Variants in LCOR observed in about 807,000 individuals in gnomAD.
LCOR encodes the protein ligand-dependent corepressor.
In LCOR, 14 loss-of-function variants were observed where a neutral mutation model predicts 64.4. That is an observed-to-expected ratio of 0.22 (90% CI 0.14 to 0.34). LCOR has a LOEUF of 0.34. LCOR is among the 10% of genes least tolerant of loss of function. The pLI, the probability that LCOR is intolerant of heterozygous loss-of-function variation, is 1.00. For missense variants in LCOR, 1,686 were observed against 1,765.3 expected, an observed-to-expected ratio of 0.96 and a Z score of 0.80; for synonymous variants, 643 against 642.5, an observed-to-expected ratio of 1.00 and a Z score of -0.01.
At chr10:96,879,667 G>GT (rs890661746) in intron 2 of LCOR, among the ~76,000 whole-genome samples, 19 of 151,828 alleles carry the variant, frequency 1.3e-4, no homozygotes, top group East Asian at 5.8e-4. Context: ...TTTGTTTTGT[G>GT]TTTTTTTTGC....
intron 2 of LCOR, among the ~76,000 whole-genome samples, chr10:96,854,802 T>A (rs1018177216): frequency 2.6e-5 from 4 of 152,222 alleles, no homozygotes; most frequent in African/African-American, 9.6e-5. Context: ...AATCTAAGAT[T>A]TTCTGACTTC....
intron 4 of LCOR, among the ~76,000 whole-genome samples, chr10:96,928,779 A>G (rs933937421): frequency 3.3e-5 from 5 of 152,170 alleles, no homozygotes; most frequent in African/African-American, 1.2e-4. Flanking sequence ...TGTATTTCTT[A>G]AGTAACAAGA....
rs1347680969 is a variant in LCOR, at chr10:96,983,227, T to G, written c.2767T>G (p.Leu923Val). 1 of 1,613,702 alleles carries G rather than the reference T, an allele frequency of 6.2e-7. No individual in the cohort carries two copies. Residue 923 changes from leucine (L) to valine (V), a missense_variant, in exon 8 of 8, where the codon TTA becomes GTA. Leu to Val is a conservative substitution (Grantham distance 32, BLOSUM62 1). This residue lies in a region of LCOR where 1,293 missense variants were observed against 1,410.4 expected (regional missense o/e 0.92). Coordinates refer to ENST00000421806, the MANE Select transcript of LCOR (RefSeq NM_001346516.2). The surrounding 1 kb of genome is among the most constrained non-coding windows in gnomAD (Gnocchi z 4.5). ...KNMLDKEVKELRGEIFPSRDP... is the reference protein window; with the variant it reads ...KNMLDKEVKEVRGEIFPSRDP... ...CATGCTGGACAAAGAAGTCAAGGAG[T>G]TACGAGGAGAGATTTTCCCCAGCAG...
intron 2 of LCOR, among the ~76,000 whole-genome samples, chr10:96,839,453 C>T (rs1334845417): frequency 6.6e-6 from 1 of 152,068 alleles, no homozygotes; most frequent in African/African-American, 2.4e-5. Context: ...CCTGTAATCC[C>T]AGTACTATGG....
chr10:96,848,150 C>T (rs1845664611), intron 2 of LCOR, among the ~76,000 whole-genome samples: 1 of 152,124 alleles, frequency 6.6e-6, no homozygotes, highest in African/African-American at 2.4e-5. Context: ...ATCAAATCAA[C>T]TATTTTGAGG....
At chr10:96,890,706 G>A (rs1846424694) in intron 2 of LCOR, among the ~76,000 whole-genome samples, 1 of 152,102 alleles carries the variant, frequency 6.6e-6, no homozygotes, top group African/African-American at 2.4e-5. Flanking sequence ...CCAGGGTTAT[G>A]AAAAAGCTCC....
chr10:96,966,915 T>C (rs116786009), intron 7 of LCOR, among the ~76,000 whole-genome samples: 4,228 of 152,264 alleles, frequency 0.028, 201 homozygotes, highest in African/African-American at 0.096. Context: ...TTACAATTTT[T>C]TGTGGAGACA....
chr10:96,856,318 C>A (rs1460360388), intron 2 of LCOR, among the ~76,000 whole-genome samples: 1 of 152,192 alleles, frequency 6.6e-6, no homozygotes, highest in Non-Finnish European at 1.5e-5. Context: ...CACTTGGCCT[C>A]CCAAAGTGAT....
At chr10:96,958,920 AAAAAAAAC>A (rs1847828457) in intron 7 of LCOR, 2 of 152,152 alleles carry the variant, frequency 1.3e-5, no homozygotes, top group African/African-American at 4.8e-5. Flanking sequence ...AAAAAAAAAA[AAAAAAAAC>A]AAAAAGCTGC....
rs992657554 is a variant in LCOR, at chr10:96,994,259, A to T, written c.*9125A>T. 2 of 152,290 alleles carry T rather than the reference A, an allele frequency of 1.3e-5. No individual in the cohort carries two copies. Among genetic ancestry groups the T allele is most frequent in the East Asian group, 1.9e-4 (1 of 5,184 alleles). The allele number at this position is 152,290 out of a possible 1,614,324, so 9.4% of individuals were successfully genotyped here. ...CTACCTTTAAAACCTAGCCCATTTC[A>T]TATCAGCCTCTTCTGTGCCTGGGCT... On this transcript the variant is annotated 3_prime_UTR_variant, in exon 8 of 8. Coordinates refer to ENST00000421806, the MANE Select transcript of LCOR (RefSeq NM_001346516.2).
intron 5 of LCOR, among the ~76,000 whole-genome samples, chr10:96,946,085 G>C (rs1288191256): frequency 6.6e-6 from 1 of 151,922 alleles, no homozygotes; most frequent in African/African-American, 2.4e-5. Flanking sequence ...CTCAGAGAAA[G>C]AACTGTTCCT....
chr10:96,905,326 G>C (rs1192601181), intron 2 of LCOR, among the ~76,000 whole-genome samples: 1 of 152,100 alleles, frequency 6.6e-6, no homozygotes, highest in Non-Finnish European at 1.5e-5. Context: ...AAGAATATTA[G>C]ATTTGCTCTT....
intron 2 of LCOR, among the ~76,000 whole-genome samples, chr10:96,843,348 G>C (rs1215563878): frequency 2.0e-5 from 3 of 152,136 alleles, no homozygotes; most frequent in African/African-American, 7.2e-5. Context: ...GCCCAGGCTT[G>C]TCTCGATCCC....
chr10:96,962,610 A>G (rs1014297681), intron 7 of LCOR: 3 of 152,178 alleles, frequency 2.0e-5, no homozygotes, highest in African/African-American at 7.2e-5. Flanking sequence ...ACTAGTCAAA[A>G]TTAGTTACAT....
intron 4 of LCOR, among the ~76,000 whole-genome samples, chr10:96,930,839 C>T (rs958124376): frequency 2.6e-5 from 4 of 152,060 alleles, no homozygotes; most frequent in Non-Finnish European, 5.9e-5. Context: ...CATGTGAGAG[C>T]GCAGCAAGAA....
intron 2 of LCOR, among the ~76,000 whole-genome samples, chr10:96,883,374 G>A (rs1846294204): frequency 6.6e-6 from 1 of 152,110 alleles, no homozygotes; most frequent in South Asian, 2.1e-4. Flanking sequence ...TTTTATTTGA[G>A]TAATTACCAA....
intron 4 of LCOR, among the ~76,000 whole-genome samples, chr10:96,933,965 T>G (rs904371307): frequency 6.6e-6 from 1 of 152,224 alleles, no homozygotes; most frequent in Non-Finnish European, 1.5e-5. Context: ...TGAAGTTCCA[T>G]AGATTGAAGA....
At chr10:96,965,531 G>A (rs1016206876) in intron 7 of LCOR, among the ~76,000 whole-genome samples, 6 of 150,496 alleles carry the variant, frequency 4.0e-5, no homozygotes, top group Admixed American at 1.3e-4. Flanking sequence ...GCGTGGTGGC[G>A]GGCGCCTGTA....
intron 4 of LCOR, among the ~76,000 whole-genome samples, chr10:96,941,323 G>A (rs1847468604): frequency 7.2e-6 from 1 of 138,188 alleles, no homozygotes; most frequent in Non-Finnish European, 1.6e-5. Flanking sequence ...GGGGCGGCTG[G>A]CCGGGCAGAG....
Sources: allele counts gnomAD v4.1 joint callset (sites outside exome capture counted in the v4.1 genomes callset), GRCh38; gene constraint gnomAD v4.1.1; regional missense constraint gnomAD v4.1.1; non-coding constraint Gnocchi (gnomAD v3.1); transcripts MANE v1.5; gene names NCBI Gene and HGNC (gene_info 2026-07-23, HGNC 2026-07-21).